ARHGEF11: variants seen among roughly 807,000 people sequenced by gnomAD.
The protein encoded by ARHGEF11 is Rho guanine exchange factor (GEF) 11.
A neutral mutation model predicts 193.7 loss-of-function variants in ARHGEF11; 55 were observed. That is an observed-to-expected ratio of 0.28 (90% CI 0.23 to 0.36). The LOEUF (loss-of-function observed/expected upper bound fraction) is 0.36, where lower values mean the gene tolerates loss of function less well. ARHGEF11 is among the 10% of genes least tolerant of loss of function. ARHGEF11 has a pLI of 1.00. For synonymous variants in ARHGEF11, 693 were observed against 768.0 expected, an observed-to-expected ratio of 0.90 and a Z score of 1.62; for missense variants, 1,723 against 2,005.6, an observed-to-expected ratio of 0.86 and a Z score of 2.69.
chr1:157,002,210 G>A (rs1423829265), intron 1 of ARHGEF11, among the ~76,000 whole-genome samples: 1 of 152,038 alleles, frequency 6.6e-6, no homozygotes, highest in Non-Finnish European at 1.5e-5. Context: ...CTCGAACAGG[G>A]CAATACTAGC....
intron 5 of ARHGEF11, 80 bp downstream of exon 5, chr1:156,979,148 AG>A (rs1187047685): frequency 7.4e-7 from 1 of 1,353,328 alleles, no homozygotes; most frequent in East Asian, 2.3e-5. Flanking sequence ...CTGGAATGCC[AG>A]GCCTGACCTT....
At chr1:157,020,176 A>C (rs1020254091) in intron 1 of ARHGEF11, among the ~76,000 whole-genome samples, 1 of 151,742 alleles carries the variant, frequency 6.6e-6, no homozygotes, top group Non-Finnish European at 1.5e-5. Context: ...GAACATGAGG[A>C]AACTTTTGGA....
chr1:156,984,641 T>C (rs7541702), intron 2 of ARHGEF11, among the ~76,000 whole-genome samples: 25,331 of 152,156 alleles, frequency 0.17, 2,176 homozygotes, highest in East Asian at 0.33. Flanking sequence ...AACTTAACTT[T>C]GTATTCCAAA....
intron 3 of ARHGEF11, among the ~76,000 whole-genome samples, chr1:156,981,759 G>A (rs888061032): frequency 2.0e-5 from 3 of 152,184 alleles, no homozygotes; most frequent in African/African-American, 7.2e-5. Context: ...ATAGGCATGT[G>A]TCACCTCGCC....
intron 20 of ARHGEF11, among the ~76,000 whole-genome samples, chr1:156,955,329 AT>A (rs1199791233): frequency 6.6e-6 from 1 of 152,170 alleles, no homozygotes; most frequent in African/African-American, 2.4e-5. Flanking sequence ...CCCCGCCCGC[AT>A]CTATACTACT....
chr1:157,031,412 A>G (rs1047413889), intron 1 of ARHGEF11, among the ~76,000 whole-genome samples: 16 of 152,308 alleles, frequency 1.1e-4, no homozygotes, highest in African/African-American at 3.6e-4. Flanking sequence ...TAAGAGAACT[A>G]GGATTTCTTC....
At chr1:157,001,271 C>G (rs1032225518) in intron 1 of ARHGEF11, among the ~76,000 whole-genome samples, 1 of 152,176 alleles carries the variant, frequency 6.6e-6, no homozygotes, top group South Asian at 2.1e-4. Context: ...CTCCAACAAC[C>G]TAAAATGGGT....
At chr1:156,958,885 G>A (rs369166241) in intron 16 of ARHGEF11, 21 bp from the exon 17 acceptor site, 1 of 1,613,946 alleles carries the variant, frequency 6.2e-7, no homozygotes, top group Non-Finnish European at 8.5e-7. Context: ...TAAACACAGG[G>A]AAAGAAAGAA....
chr1:157,020,483 C>T (rs1422179797), intron 1 of ARHGEF11, among the ~76,000 whole-genome samples: 2 of 152,140 alleles, frequency 1.3e-5, no homozygotes, highest in African/African-American at 4.8e-5. Context: ...GCTGCTAGAT[C>T]CTAAAATGAG....
At chr1:156,993,766 C>T (rs1666097971) in intron 1 of ARHGEF11, among the ~76,000 whole-genome samples, 1 of 152,198 alleles carries the variant, frequency 6.6e-6, no homozygotes, top group Non-Finnish European at 1.5e-5. Flanking sequence ...CCGTCCTAGA[C>T]CTGCACATCC....
At chr1:157,034,486 C>T (rs1357636540) in intron 1 of ARHGEF11, among the ~76,000 whole-genome samples, 1 of 152,220 alleles carries the variant, frequency 6.6e-6, no homozygotes, top group Non-Finnish European at 1.5e-5. Context: ...ATACCAAGTA[C>T]CAAAGACCTA....
At chr1:157,001,651 T>C (rs1255958271) in intron 1 of ARHGEF11, among the ~76,000 whole-genome samples, 2 of 152,216 alleles carry the variant, frequency 1.3e-5, no homozygotes, top group Admixed American at 6.5e-5. Flanking sequence ...ATCACACAAA[T>C]GGAGGGTGCC....
intron 3 of ARHGEF11, 76 bp from the exon 4 acceptor site, chr1:156,980,562 A>G: frequency 6.8e-7 from 1 of 1,480,074 alleles, no homozygotes; most frequent in Non-Finnish European, 9.2e-7. Flanking sequence ...CTGTCAGATC[A>G]CCTCTCCTCT....
At chr1:157,040,108 A>C (rs1672549395) in intron 1 of ARHGEF11, among the ~76,000 whole-genome samples, 1 of 152,240 alleles carries the variant, frequency 6.6e-6, no homozygotes, top group African/African-American at 2.4e-5. Flanking sequence ...ATCTGAAGTT[A>C]AGCTTAGTCT....
chr1:156,983,762 T>C, intron 3 of ARHGEF11, among the ~76,000 whole-genome samples: 1 of 152,234 alleles, frequency 6.6e-6, no homozygotes, highest in South Asian at 2.1e-4. Context: ...TAAGAGGGCT[T>C]CCCAAATGAT....
intron 3 of ARHGEF11, among the ~76,000 whole-genome samples, chr1:156,981,521 G>A (rs534920320): frequency 2.6e-5 from 4 of 152,234 alleles, no homozygotes; most frequent in African/African-American, 9.6e-5. Flanking sequence ...CTGTCACCCA[G>A]GCTGGAGTGC....
chr1:157,031,777 C>T (rs1409839643), intron 1 of ARHGEF11, among the ~76,000 whole-genome samples: 2 of 152,186 alleles, frequency 1.3e-5, no homozygotes, highest in East Asian at 3.8e-4. Context: ...AGCAGAGAAG[C>T]CATAGTGGTG....
chr1:156,943,830 G>A (rs893025945), intron 32 of ARHGEF11, 105 bp downstream of exon 32: 6 of 1,347,002 alleles, frequency 4.5e-6, no homozygotes, highest in Non-Finnish European at 6.0e-6. Flanking sequence ...GAACACAGGT[G>A]GACAGGTAGG....
At chr1:156,945,290 G>A (rs1657908977) in intron 29 of ARHGEF11, 93 bp from the exon 30 acceptor site, 2 of 1,443,730 alleles carry the variant, frequency 1.4e-6, no homozygotes, top group Non-Finnish European at 1.9e-6. Context: ...CATGGCAGCT[G>A]GCTTGCTTCA....
Sources: allele counts gnomAD v4.1 joint callset (sites outside exome capture counted in the v4.1 genomes callset), GRCh38; gene constraint gnomAD v4.1.1; transcripts MANE v1.5; gene names NCBI Gene and HGNC (gene_info 2026-07-23, HGNC 2026-07-21).